Variants in KCNMA1 observed in about 807,000 individuals in gnomAD.
The protein encoded by KCNMA1 is potassium calcium-activated channel subfamily M alpha 1.
In KCNMA1, 29 loss-of-function variants were observed where a neutral mutation model predicts 140.0. The ratio of observed to expected loss-of-function variants is 0.21; its 90% confidence interval spans 0.15 to 0.28. The LOEUF is 0.28. KCNMA1 is among the 10% of genes least tolerant of loss of function. The pLI is 1.00. For missense variants in KCNMA1, 880 were observed against 1,602.2 expected (o/e 0.55, Z 7.70); for synonymous variants, 612 against 611.9 (o/e 1.00, Z 0.00).
At chr10:77,006,605 G>T (rs2088769725) in intron 18 of KCNMA1, among the ~76,000 whole-genome samples, 1 of 152,178 alleles carries the variant, frequency 6.6e-6, no homozygotes, top group Non-Finnish European at 1.5e-5. Context: ...CTTCCAGGTG[G>T]TTTTCCAAAA....
At chr10:77,463,791 T>C (rs771515051) in intron 1 of KCNMA1, among the ~76,000 whole-genome samples, 22 of 151,310 alleles carry the variant, frequency 1.5e-4, no homozygotes, top group African/African-American at 4.9e-5. Flanking sequence ...GAGAAGGGAG[T>C]GCCCAGGCCT....
intron 5 of KCNMA1, among the ~76,000 whole-genome samples, chr10:77,155,713 G>A (rs528530071): frequency 2.0e-5 from 3 of 152,228 alleles, no homozygotes; most frequent in African/African-American, 7.2e-5. Context: ...AAGATGCTAT[G>A]CAAAAAATGA....
intron 2 of KCNMA1, among the ~76,000 whole-genome samples, chr10:77,353,626 G>A (rs77158832): frequency 1.3e-5 from 2 of 151,588 alleles, no homozygotes; most frequent in African/African-American, 4.8e-5. Context: ...CATAAAATTT[G>A]TAAATGAGTT....
At chr10:77,449,609 T>C (rs2097589293) in intron 1 of KCNMA1, among the ~76,000 whole-genome samples, 1 of 151,870 alleles carries the variant, frequency 6.6e-6, no homozygotes, top group Non-Finnish European at 1.5e-5. Context: ...TACTTTTATT[T>C]CATTTCACTT....
chr10:77,440,920 G>A (rs1156745804), intron 1 of KCNMA1, among the ~76,000 whole-genome samples: 2 of 152,136 alleles, frequency 1.3e-5, no homozygotes, highest in East Asian at 1.9e-4. Flanking sequence ...CCGGGTTCAC[G>A]CCATTCTCCT....
intron 2 of KCNMA1, among the ~76,000 whole-genome samples, chr10:77,372,501 T>TG (rs2094807973): frequency 6.6e-6 from 1 of 152,310 alleles, no homozygotes; most frequent in African/African-American, 2.4e-5. Flanking sequence ...AATCTTTTTC[T>TG]CTTCCTTTAC....
At chr10:77,568,264 T>G (rs916235815) in intron 1 of KCNMA1, among the ~76,000 whole-genome samples, 9 of 152,170 alleles carry the variant, frequency 5.9e-5, no homozygotes, top group South Asian at 2.1e-4. Context: ...TACCAAAGCC[T>G]GGCAGAGACA....
chr10:77,022,190 A>G (rs2092939043), intron 16 of KCNMA1, among the ~76,000 whole-genome samples: 1 of 152,076 alleles, frequency 6.6e-6, no homozygotes, highest in Non-Finnish European at 1.5e-5. Context: ...CTGACTGCCA[A>G]AAGTCTCTCT....
At chr10:77,024,411 C>T (rs2093198479) in intron 16 of KCNMA1, among the ~76,000 whole-genome samples, 1 of 151,994 alleles carries the variant, frequency 6.6e-6, no homozygotes, top group South Asian at 2.1e-4. Context: ...CACACACACA[C>T]AATTACAAAC....
intron 2 of KCNMA1, among the ~76,000 whole-genome samples, chr10:77,369,408 G>C (rs2094547094): frequency 6.6e-6 from 1 of 152,196 alleles, no homozygotes; most frequent in South Asian, 2.1e-4. Flanking sequence ...TCTTGTAGGT[G>C]ATTCTAACTG....
At chr10:77,423,034 A>G (rs1566750800) in intron 1 of KCNMA1, among the ~76,000 whole-genome samples, 1 of 152,222 alleles carries the variant, frequency 6.6e-6, no homozygotes, top group Non-Finnish European at 1.5e-5. Context: ...AGGTGTCCAC[A>G]TGAACTCTGA....
At chr10:77,175,097 C>A (rs928549605) in intron 5 of KCNMA1, among the ~76,000 whole-genome samples, 1 of 152,032 alleles carries the variant, frequency 6.6e-6, no homozygotes, top group Admixed American at 6.6e-5. Context: ...CTCCAACTCG[C>A]GGTTTCTGAT....
chr10:76,902,994 C>G (rs891224003), intron 25 of KCNMA1: 4 of 152,226 alleles, frequency 2.6e-5, no homozygotes, highest in Non-Finnish European at 5.9e-5. Context: ...TGGCTCAGAA[C>G]ACAAGGGTGG....
chr10:77,266,431 G>T (rs543441840), intron 2 of KCNMA1, among the ~76,000 whole-genome samples: 2 of 152,152 alleles, frequency 1.3e-5, no homozygotes, highest in East Asian at 1.9e-4. Context: ...GACTTCTCTT[G>T]TGTGCTCTGT....
At chr10:76,920,154 C>A in intron 23 of KCNMA1, among the ~76,000 whole-genome samples, 1 of 149,056 alleles carries the variant, frequency 6.7e-6, no homozygotes, top group African/African-American at 2.5e-5. Context: ...ACTGTAAACC[C>A]AAGTGCATTG....
At chr10:77,125,039 G>T (rs1400479110) in intron 5 of KCNMA1, among the ~76,000 whole-genome samples, 1 of 152,138 alleles carries the variant, frequency 6.6e-6, no homozygotes. Context: ...GATTTCGTGA[G>T]AACTCACTAT....
chr10:77,095,112 A>T (rs1404863288), intron 9 of KCNMA1, among the ~76,000 whole-genome samples: 1 of 152,196 alleles, frequency 6.6e-6, no homozygotes, highest in Non-Finnish European at 1.5e-5. Context: ...ATATTTAGGA[A>T]AGTTCAGCTA....
rs1014105528 is a variant in KCNMA1, at chr10:76,891,354, A to T, written c.3342+171T>A. 6.0e-6 allele frequency: 4 copies of T among 664,186 alleles called. No homozygotes were observed. The African/African-American group carries it at 7.2e-5, about 12-fold the overall frequency. 41.1% of individuals were successfully genotyped at this position (664,186 alleles called of 1,614,324 possible). A position where few individuals can be genotyped will look rare whatever the true frequency, so the allele number is the denominator to read the frequency against. Reference sequence around the variant, plus strand: ...GATTAAAATGAATGACTATGCATAGAGCAAAGTGTCTGATCCAGAGTAAAC... The same window carrying T: ...GATTAAAATGAATGACTATGCATAGTGCAAAGTGTCTGATCCAGAGTAAAC... On this transcript the variant is annotated intron_variant, in intron 26 of 27. Coordinates refer to ENST00000286628, the MANE Select transcript of KCNMA1 (RefSeq NM_001161352.2).
chr10:77,564,281 G>T (rs767267927), intron 1 of KCNMA1, among the ~76,000 whole-genome samples: 1 of 152,142 alleles, frequency 6.6e-6, no homozygotes. Flanking sequence ...CTGATCAAAG[G>T]TGATTTCATG....
Sources: gnomAD v4.1 joint callset for allele counts (sites outside exome capture counted in the v4.1 genomes callset) on GRCh38, gnomAD v4.1.1 for gene constraint, MANE v1.5 for transcripts, NCBI Gene and HGNC (gene_info 2026-07-23, HGNC 2026-07-21) for gene names.